The following NRXN1 variants were observed in gnomAD, a reference collection of about 807,000 sequenced individuals.
The protein encoded by NRXN1 is neurexin 1, also known as neurexin-1.
Under a neutral mutation model 150.9 loss-of-function variants are expected in NRXN1, and 39 were observed. The ratio of observed to expected loss-of-function variants is 0.26; its 90% CI spans 0.20 to 0.34. The LOEUF (loss-of-function observed/expected upper bound fraction) is 0.34, where lower values mean the gene tolerates loss of function less well. Among genes scored for constraint, NRXN1 ranks in the 10% least tolerant of loss-of-function variants. The pLI is 1.00. For missense variants in NRXN1, 1,815 were observed against 1,949.9 expected, an observed-to-expected ratio of 0.93 and a Z score of 1.30; for synonymous variants, 924 against 757.0, an observed-to-expected ratio of 1.22 and a Z score of -3.62.
At chr2:50,318,227 A>G (rs1489642927) in intron 17 of NRXN1, among the ~76,000 whole-genome samples, 1 of 152,134 alleles carries the variant, frequency 6.6e-6, no homozygotes, top group African/African-American at 2.4e-5. Context: ...CAACATCATT[A>G]GTAATCAGGA....
chr2:50,719,255 C>T (rs1179547349), intron 5 of NRXN1, among the ~76,000 whole-genome samples: 1 of 151,266 alleles, frequency 6.6e-6, no homozygotes, highest in Non-Finnish European at 1.5e-5. Flanking sequence ...TTTAATAATC[C>T]ATGCAATGGT....
At chr2:51,025,522 T>C (rs975861673) in intron 2 of NRXN1, among the ~76,000 whole-genome samples, 10 of 152,196 alleles carry the variant, frequency 6.6e-5, no homozygotes, top group South Asian at 4.1e-4. Flanking sequence ...GCTGTCATTG[T>C]GTCATATTTG....
chr2:49,921,902 T>G lies in NRXN1; in HGVS notation c.*42A>C. On this transcript the variant is annotated 3_prime_UTR_variant, in exon 23 of 23. Coordinates refer to ENST00000401669, the MANE Select transcript of NRXN1 (RefSeq NM_001330078.2). ...AGTTTATATTATGTCTCAGATAAAATGAAGACTATTTCTATACAAGTGTCC... is the reference window on the plus strand; with the variant it reads ...AGTTTATATTATGTCTCAGATAAAAGGAAGACTATTTCTATACAAGTGTCC... The G allele has an allele frequency of 4.4e-6, 7 of 1,584,004 alleles. No homozygotes were observed. The highest frequency in any genetic ancestry group is 6.1e-6 in the Non-Finnish European group (7 of 1,154,040).
chr2:49,943,609 C>A (rs1366584125), intron 22 of NRXN1, 95 bp downstream of exon 22: 1 of 797,092 alleles, frequency 1.3e-6, no homozygotes, highest in Non-Finnish European at 2.2e-6. Flanking sequence ...AGGAGGGTAG[C>A]CTTCTATACA....
chr2:49,925,697 CAT>C (rs1426838182), intron 22 of NRXN1, among the ~76,000 whole-genome samples: 3 of 152,098 alleles, frequency 2.0e-5, no homozygotes, highest in African/African-American at 7.2e-5. Context: ...CAATCTGCAA[CAT>C]GTTTTTCTCT....
intron 17 of NRXN1, among the ~76,000 whole-genome samples, chr2:50,420,538 G>A (rs2083904081): frequency 6.6e-6 from 1 of 151,958 alleles, no homozygotes; most frequent in Non-Finnish European, 1.5e-5. Context: ...CCTAACACTG[G>A]CCAATGGAGA....
intron 5 of NRXN1, among the ~76,000 whole-genome samples, chr2:50,705,733 A>C (rs1393970178): frequency 6.6e-6 from 1 of 152,146 alleles, no homozygotes; most frequent in Non-Finnish European, 1.5e-5. Context: ...ACTTCCATCC[A>C]CACAAGTGAA....
chr2:50,615,141 C>T (rs541228785), intron 8 of NRXN1, among the ~76,000 whole-genome samples: 40 of 152,184 alleles, frequency 2.6e-4, no homozygotes, highest in Non-Finnish European at 3.8e-4. Flanking sequence ...AAGGCTGAGC[C>T]GATCTAATTA....
In NRXN1 at chr2:50,903,882, T is replaced by A. The variant is rs1167418480; in HGVS notation, c.832+17987A>T. Among the ~76,000 whole-genome samples, 4 of 152,210 alleles carry A rather than the reference T, an allele frequency of 2.6e-5. No homozygotes were observed. The East Asian group carries it at 7.7e-4, about 29-fold the overall frequency. On this transcript the variant is annotated intron_variant, in intron 5 of 22. Coordinates refer to ENST00000401669, the MANE Select transcript of NRXN1 (RefSeq NM_001330078.2). ...AATCCACAAATACAAGACAGTAAGA[T>A]CTGAAACGCCGGCTGTAGCCCTGAG... is the stretch of plus-strand genomic sequence containing the variant.
In NRXN1 at chr2:51,028,374, T is replaced by C. The variant is rs1036884250; in HGVS notation, c.-101A>G. On this transcript the variant is annotated 5_prime_UTR_variant, in exon 2 of 23. Transcript: ENST00000401669. The stretch of plus-strand genomic sequence containing the variant: ...ATAAGGGTCCCGAGAGACAGAAAGG[T>C]AAGGGGAAAGGCGGGAGTGAGAGGG... 2.6e-6 allele frequency: 2 copies of C among 778,472 alleles called. No homozygotes were observed. Among genetic ancestry groups the C allele is most frequent in the Non-Finnish European group, 3.8e-6 (2 of 532,316 alleles). 48.2% of individuals were successfully genotyped at this position (778,472 alleles called of 1,614,324 possible).
At chr2:50,087,142 C>G (rs1397043371) in intron 19 of NRXN1, among the ~76,000 whole-genome samples, 1 of 152,096 alleles carries the variant, frequency 6.6e-6, no homozygotes, top group Non-Finnish European at 1.5e-5. Flanking sequence ...AACGAGTTTT[C>G]CTTTTATATC....
intron 5 of NRXN1, among the ~76,000 whole-genome samples, chr2:50,808,272 T>C (rs576759782): frequency 1.3e-5 from 2 of 152,138 alleles, no homozygotes; most frequent in African/African-American, 4.8e-5. Flanking sequence ...CAATGAAAAA[T>C]AAACCAAATA....
At chr2:49,995,780 CAAAAAAAA>C (rs1163315598) in intron 21 of NRXN1, among the ~76,000 whole-genome samples, 6 of 36,382 alleles carry the variant, frequency 1.6e-4, no homozygotes, top group African/African-American at 5.8e-4. Context: ...GACTCCGTCT[CAAAAAAAA>C]AAAAAAAAAA....
At chr2:50,929,200 T>G (rs1408755841) in intron 2 of NRXN1, among the ~76,000 whole-genome samples, 1 of 152,066 alleles carries the variant, frequency 6.6e-6, no homozygotes, top group Non-Finnish European at 1.5e-5. Flanking sequence ...CCAGTGTTCT[T>G]TGCACATACT....
chr2:50,551,094 AGGAGGAGGAG>A (rs1432016497), intron 9 of NRXN1, among the ~76,000 whole-genome samples: 32 of 113,272 alleles, frequency 2.8e-4, no homozygotes, highest in Non-Finnish European at 4.9e-4. Flanking sequence ...GAGGAGGAGG[AGGAGGAGGAG>A]GGAGGGGGAG....
chr2:50,520,882 T>G (rs1454546130), intron 12 of NRXN1, among the ~76,000 whole-genome samples: 1 of 152,098 alleles, frequency 6.6e-6, no homozygotes, highest in African/African-American at 2.4e-5. Flanking sequence ...AAAATTTCTT[T>G]TTTATTTTCT....
At chr2:50,289,391 T>G (rs1328978735) in intron 17 of NRXN1, among the ~76,000 whole-genome samples, 1 of 152,128 alleles carries the variant, frequency 6.6e-6, no homozygotes, top group East Asian at 1.9e-4. Context: ...TCTAAGTCAC[T>G]TATGCAAATT....
intron 8 of NRXN1, among the ~76,000 whole-genome samples, chr2:50,608,888 T>C (rs559311087): frequency 6.6e-6 from 1 of 152,252 alleles, no homozygotes; most frequent in South Asian, 2.1e-4. Context: ...TAATTACTTG[T>C]ATTTGAACTA....
chr2:50,448,154 T>G (rs978049429), intron 17 of NRXN1, among the ~76,000 whole-genome samples: 1 of 152,072 alleles, frequency 6.6e-6, no homozygotes, highest in Non-Finnish European at 1.5e-5. Flanking sequence ...CTTTTATAGA[T>G]TAGCAAAGCA....
Sources: allele counts gnomAD v4.1 joint callset (sites outside exome capture counted in the v4.1 genomes callset), GRCh38; gene constraint gnomAD v4.1.1; transcripts MANE v1.5; gene names NCBI Gene and HGNC (gene_info 2026-07-23, HGNC 2026-07-21).